Variants in ZFHX3 observed in about 807,000 individuals in gnomAD.
The protein encoded by ZFHX3 is zinc finger homeobox protein 3.
In ZFHX3, 42 loss-of-function variants were observed where a neutral mutation model predicts 279.1. The observed-to-expected ratio is 0.15, with a 90% CI of 0.12 to 0.19. The LOEUF is 0.19. Among genes scored for constraint, ZFHX3 ranks in the 10% least tolerant of loss-of-function variants. The pLI, the probability that ZFHX3 is intolerant of heterozygous loss-of-function variation, is 1.00. For synonymous variants in ZFHX3, 2,293 were observed against 1,957.8 expected (o/e 1.17, Z -4.52); for missense variants, 4,981 against 4,754.0 (o/e 1.05, Z -1.40).
chr16:73,762,172 G>T (rs1033136938), intron 1 of ZFHX3, among the ~76,000 whole-genome samples: 2 of 151,178 alleles, frequency 1.3e-5, no homozygotes, highest in Non-Finnish European at 2.9e-5. Flanking sequence ...AGTAGGCAAA[G>T]GACATGAACA....
At chr16:73,566,529 A>T (rs1435826432) in intron 2 of ZFHX3, among the ~76,000 whole-genome samples, 1 of 151,360 alleles carries the variant, frequency 6.6e-6, no homozygotes, top group Non-Finnish European at 1.5e-5. Flanking sequence ...GGCTTTGTAG[A>T]CTCATCATCC....
intron 3 of ZFHX3, among the ~76,000 whole-genome samples, chr16:73,318,842 G>A (rs541625212): frequency 2.0e-5 from 3 of 152,252 alleles, no homozygotes; most frequent in African/African-American, 4.8e-5. Context: ...CTAAACAAAA[G>A]GTAATAGAAC....
chr16:73,070,938 GCACACA>G (rs768410525), intron 8 of ZFHX3, among the ~76,000 whole-genome samples: 2,565 of 22,354 alleles, frequency 0.11, 172 homozygotes, highest in African/African-American at 0.21. Context: ...GCGCGCGCGC[GCACACA>G]CACACACACA....
intron 5 of ZFHX3, among the ~76,000 whole-genome samples, chr16:72,821,630 G>C (rs1240895675): frequency 1.3e-5 from 2 of 152,182 alleles, no homozygotes; most frequent in African/African-American, 2.4e-5. Flanking sequence ...AGGTAATAAA[G>C]CACAATATTT....
intron 2 of ZFHX3, chr16:73,504,830 T>G (rs1597361640): frequency 1.4e-5 from 2 of 142,418 alleles, no homozygotes; most frequent in Non-Finnish European, 1.5e-5. Flanking sequence ...CGGTGGGGAG[T>G]GGAGGTGGTA....
intron 1 of ZFHX3, among the ~76,000 whole-genome samples, chr16:73,884,319 A>G (rs1271110127): frequency 6.6e-6 from 1 of 152,176 alleles, no homozygotes; most frequent in Non-Finnish European, 1.5e-5. Context: ...ATGTGGGCCA[A>G]TAAAGAAGTC....
chr16:73,549,978 A>G (rs1384060271), intron 2 of ZFHX3, among the ~76,000 whole-genome samples: 1 of 151,572 alleles, frequency 6.6e-6, no homozygotes, highest in Non-Finnish European at 1.5e-5. Flanking sequence ...GTCAGACTCT[A>G]TGTTTAGATA....
rs551847472 is a variant in ZFHX3, at chr16:73,642,572, A to C, written c.-1547+37608T>G. ...ACTTGAAATATTTACATATACCAAA[A>C]TATAAAACGGCATATAAAAATGCAA... On this transcript the variant is annotated intron_variant, in intron 2 of 17. Transcript: ENST00000641206. Among the ~76,000 whole-genome samples the C allele has an allele frequency of 3.9e-5, 6 of 152,282 alleles. No individual in the cohort carries two copies. The South Asian group carries it at 1.2e-3, about 32-fold the overall frequency.
intron 4 of ZFHX3, among the ~76,000 whole-genome samples, chr16:72,839,121 G>A (rs1039940014): frequency 6.6e-6 from 1 of 152,088 alleles, no homozygotes; most frequent in African/African-American, 2.4e-5. Flanking sequence ...CAAATTCCCC[G>A]AGCATGTCTG....
At chr16:73,011,674 T>C (rs959913881) in intron 1 of ZFHX3, among the ~76,000 whole-genome samples, 2 of 151,548 alleles carry the variant, frequency 1.3e-5, no homozygotes, top group African/African-American at 2.4e-5. Flanking sequence ...AGTGCATGGA[T>C]ATCATGCCAC....
intron 1 of ZFHX3, among the ~76,000 whole-genome samples, chr16:73,787,283 G>A (rs1959676720): frequency 6.6e-6 from 1 of 152,138 alleles, no homozygotes; most frequent in Non-Finnish European, 1.5e-5. Flanking sequence ...TCAGAGGAGG[G>A]AAAAGCAACC....
intron 1 of ZFHX3, among the ~76,000 whole-genome samples, chr16:73,055,817 G>A (rs78053786): frequency 0.063 from 9,032 of 143,358 alleles, 309 homozygotes; most frequent in Middle Eastern, 0.13. Context: ...CTCTCTTTGC[G>A]GGCCCCCCAA....
At chr16:73,407,580 A>G (rs1411995914) in intron 3 of ZFHX3, among the ~76,000 whole-genome samples, 1 of 152,202 alleles carries the variant, frequency 6.6e-6, no homozygotes, top group Non-Finnish European at 1.5e-5. Flanking sequence ...AGGGTCAGGA[A>G]CAGACCACTG....
intron 3 of ZFHX3, among the ~76,000 whole-genome samples, chr16:72,905,134 C>T (rs2039137163): frequency 6.6e-6 from 1 of 152,168 alleles, no homozygotes; most frequent in Non-Finnish European, 1.5e-5. Context: ...GCCACTACAC[C>T]CGGCCCTTTC....
At chr16:73,186,414 T>C (rs1967908335) in intron 5 of ZFHX3, among the ~76,000 whole-genome samples, 1 of 152,122 alleles carries the variant, frequency 6.6e-6, no homozygotes, top group East Asian at 1.9e-4. Context: ...CTGCAAAATA[T>C]GGACAATAGC....
chr16:72,956,192 ACC>A (rs1961242885), intron 2 of ZFHX3, among the ~76,000 whole-genome samples: 2 of 152,224 alleles, frequency 1.3e-5, no homozygotes, highest in Admixed American at 1.3e-4. Context: ...GCACTCAAAC[ACC>A]ACACAAATAA....
chr16:73,122,503 G>A (rs1452916997), intron 7 of ZFHX3, among the ~76,000 whole-genome samples: 1 of 152,088 alleles, frequency 6.6e-6, no homozygotes, highest in Non-Finnish European at 1.5e-5. Flanking sequence ...CACTGTGCCT[G>A]GCCACATATA....
intron 1 of ZFHX3, among the ~76,000 whole-genome samples, chr16:73,752,897 C>T (rs572880000): frequency 4.6e-5 from 7 of 152,304 alleles, no homozygotes; most frequent in Admixed American, 4.6e-4. Context: ...GCAGGTACCT[C>T]CAATAAAACC....
At chr16:72,792,398 G>A (rs956001666) in intron 9 of ZFHX3, among the ~76,000 whole-genome samples, 1 of 152,164 alleles carries the variant, frequency 6.6e-6, no homozygotes, top group Non-Finnish European at 1.5e-5. Flanking sequence ...AGCCACTATT[G>A]TTCTGGCTAG....
Sources: gnomAD v4.1 joint callset for allele counts (sites outside exome capture counted in the v4.1 genomes callset) on GRCh38, gnomAD v4.1.1 for gene constraint, MANE v1.5 for transcripts, NCBI Gene and HGNC (gene_info 2026-07-23, HGNC 2026-07-21) for gene names.